STAU1: variants seen among roughly 807,000 people sequenced by gnomAD.
STAU1 encodes the protein staufen double-stranded RNA binding protein 1.
A neutral mutation model predicts 62.9 loss-of-function variants in STAU1; 13 were observed. That is an observed-to-expected ratio of 0.21 (90% CI 0.13 to 0.33). The LOEUF (loss-of-function observed/expected upper bound fraction) is 0.33, where lower values mean the gene tolerates loss of function less well. Ranked by LOEUF, STAU1 falls within the 10% of genes least tolerant of loss-of-function variation. STAU1 has a pLI of 1.00. For missense variants in STAU1, 571 were observed against 712.1 expected, an observed-to-expected ratio of 0.80 and a Z score of 2.25; for synonymous variants, 269 against 265.1, an observed-to-expected ratio of 1.01 and a Z score of -0.14.
At chr20:49,118,959 C>G (rs1287641468) in intron 9 of STAU1, among the ~76,000 whole-genome samples, 1 of 152,170 alleles carries the variant, frequency 6.6e-6, no homozygotes, top group East Asian at 1.9e-4. Context: ...ATGAAAAACC[C>G]TAAAGCCAAG....
the STAU1 span, among the ~76,000 whole-genome samples, chr20:49,199,132 A>C: frequency 2.0e-5 from 3 of 151,666 alleles, no homozygotes; most frequent in African/African-American, 7.3e-5. Context: ...GGCAACAGAG[A>C]GAGACTCCAT....
the STAU1 span, among the ~76,000 whole-genome samples, chr20:49,210,900 G>T: frequency 6.6e-6 from 1 of 152,038 alleles, no homozygotes; most frequent in African/African-American, 2.4e-5. Flanking sequence ...TCTCTATGTA[G>T]TTCCAAAACA....
Position 49,117,011 on chromosome 20 carries a change from C to T in STAU1, c.1632+115G>A. On this transcript the variant is annotated intron_variant, in intron 12 of 13. Coordinates refer to ENST00000371856, the MANE Select transcript of STAU1 (RefSeq NM_017453.4). This position sits in a 1 kb window ranked among gnomAD's most constrained non-coding sequence, Gnocchi z 4.6. The stretch of plus-strand genomic sequence containing the variant: ...ACACTATCAAACGATTCATTGCTCT[C>T]AAGGTCTATGGGACAATCTTTCTCC... 1 of 1,351,300 alleles carries T rather than the reference C, an allele frequency of 7.4e-7. No individual in the cohort carries two copies. The highest frequency in any genetic ancestry group is 1.4e-5 in the South Asian group (1 of 71,816). 83.7% of individuals were successfully genotyped at this position (1,351,300 alleles called of 1,614,324 possible). A position where few individuals can be genotyped will look rare whatever the true frequency, so the allele number is the denominator to read the frequency against.
intron 2 of STAU1, among the ~76,000 whole-genome samples, chr20:49,172,389 C>CTTTGTT: frequency 6.6e-6 from 1 of 152,294 alleles, no homozygotes; most frequent in South Asian, 2.1e-4. Flanking sequence ...CAAGCACATA[C>CTTTGTT]ATTTGTAAAC....
chr20:49,180,332 T>C (rs73132158), intron 1 of STAU1, among the ~76,000 whole-genome samples: 3,936 of 146,678 alleles, frequency 0.027, 124 homozygotes, highest in African/African-American at 0.075. Flanking sequence ...TTTTTTTTTT[T>C]CCCCCCCTGG....
At chr20:49,186,852 A>G (rs190934753) in intron 1 of STAU1, among the ~76,000 whole-genome samples, 1 of 152,058 alleles carries the variant, frequency 6.6e-6, no homozygotes, top group Non-Finnish European at 1.5e-5. Flanking sequence ...AGCTACAAGC[A>G]GAAGAGAAGT....
chr20:49,149,405 G>T (rs2093201507), intron 5 of STAU1, among the ~76,000 whole-genome samples: 1 of 151,984 alleles, frequency 6.6e-6, no homozygotes, highest in Admixed American at 6.6e-5. Flanking sequence ...TACACCTATT[G>T]CATTAGAATC....
intron 2 of STAU1, among the ~76,000 whole-genome samples, chr20:49,167,689 T>C (rs2180900): frequency 6.6e-6 from 1 of 152,198 alleles, no homozygotes; most frequent in Non-Finnish European, 1.5e-5. Context: ...TATGACCTTA[T>C]TTCATTGGGT....
intron 3 of STAU1, 23 bp downstream of exon 3, chr20:49,165,974 G>A (rs1347265588): frequency 1.2e-6 from 2 of 1,609,570 alleles, no homozygotes; most frequent in Non-Finnish European, 1.7e-6. Context: ...TGAAATAGAA[G>A]ACACTTGGAT....
At chr20:49,208,914 G>A in the STAU1 span, among the ~76,000 whole-genome samples, 13 of 151,286 alleles carry the variant, frequency 8.6e-5, no homozygotes, top group East Asian at 3.9e-4. Context: ...GAGCCACTGC[G>A]CCCGGCCGAT....
In STAU1 at chr20:49,118,013, C is replaced by A. The variant is rs1158563424; in HGVS notation, c.1273G>T (p.Ala425Ser). 6.2e-7 allele frequency: 1 copy of A among 1,614,130 alleles called. No homozygotes were observed. The highest frequency in any genetic ancestry group is 1.7e-5 in the Admixed American group (1 of 60,024). The change falls in exon 11 of 14, where the codon GCC becomes TCC. Residue 425 changes from alanine (A) to serine (S), a missense_variant. This residue lies in a region of STAU1 where 156 missense variants were observed against 194.7 expected (regional missense o/e 0.80). Coordinates refer to ENST00000371856, the MANE Select transcript of STAU1 (RefSeq NM_017453.4). ...AGILPMVPEV[A>S]QAVGVSQGHH... ...CCTTGACTAACTCCTACAGCCTGGG[C>A]GACCTCGGGCACCATGGGAAGAATT... is the stretch of plus-strand genomic sequence containing the variant.
chr20:49,199,293 C>T, the STAU1 span, among the ~76,000 whole-genome samples: 5 of 151,424 alleles, frequency 3.3e-5, no homozygotes, highest in Admixed American at 6.6e-5. Flanking sequence ...TGCAGTGGCG[C>T]GATCTCGGCT....
At chr20:49,196,447 A>G in the STAU1 span, among the ~76,000 whole-genome samples, 1 of 147,752 alleles carries the variant, frequency 6.8e-6, no homozygotes, top group African/African-American at 2.5e-5. Context: ...AACAAAACAA[A>G]AAAAAAAAAA....
rs569283521 is a variant in STAU1 at position 49,131,612 on chromosome 20, G to A, written c.609+4221C>T. ...AATCCCAGCACTTTGGGAGGCCAAG[G>A]CAGGCAGATCGCTTGAGGTCAGGAG... On this transcript the variant is annotated intron_variant, in intron 6 of 13. Transcript: ENST00000371856. Among the ~76,000 whole-genome samples the A allele has an allele frequency of 1.7e-3, 253 of 152,246 alleles. 1 individual carries two copies. Among genetic ancestry groups the A allele is most frequent in the African/African-American group, 5.3e-3 (221 of 41,542 alleles).
At chr20:49,151,152 G>C (rs1849433393) in intron 5 of STAU1, among the ~76,000 whole-genome samples, 1 of 152,120 alleles carries the variant, frequency 6.6e-6, no homozygotes, top group African/African-American at 2.4e-5. Flanking sequence ...GAGGCAAAAG[G>C]TAACTGGCGC....
chr20:49,120,467 G>A (rs965628060), intron 8 of STAU1, among the ~76,000 whole-genome samples: 4 of 152,210 alleles, frequency 2.6e-5, no homozygotes. Flanking sequence ...GTGAACTACT[G>A]TACATCTATT....
upstream of STAU1, among the ~76,000 whole-genome samples, chr20:49,189,959 A>C (rs1394843576): frequency 1.3e-5 from 2 of 152,162 alleles, no homozygotes; most frequent in African/African-American, 2.4e-5. Context: ...CTTCTTGTGA[A>C]GTGCAATGAC....
Position 49,114,806 on chromosome 20 carries a change from A to C in STAU1, c.*72T>G, listed in dbSNP as rs1295142690. On this transcript the variant is annotated 3_prime_UTR_variant, in exon 14 of 14. Transcript: ENST00000371856. ...CCCACTGGAGGTATCAGAAATTCCA[A>C]ATTTTCAAAGCAGTTTCAGTATTTT... 2 of 1,526,870 alleles carry C rather than the reference A, an allele frequency of 1.3e-6. No individual in the cohort carries two copies. The highest frequency in any genetic ancestry group is 2.7e-5 in the African/African-American group (2 of 72,862). 94.6% of individuals were successfully genotyped at this position (1,526,870 alleles called of 1,614,324 possible).
intron 6 of STAU1, among the ~76,000 whole-genome samples, chr20:49,127,494 T>TC: frequency 6.8e-6 from 1 of 146,130 alleles, no homozygotes; most frequent in African/African-American, 2.5e-5. Flanking sequence ...TCACCTGAGG[T>TC]CAGGAGTTTG....
Sources: gnomAD v4.1 joint callset for allele counts (sites outside exome capture counted in the v4.1 genomes callset) on GRCh38, gnomAD v4.1.1 for gene constraint, gnomAD v4.1.1 regional missense constraint, Gnocchi (gnomAD v3.1) non-coding constraint, MANE v1.5 for transcripts, NCBI Gene and HGNC (gene_info 2026-07-23, HGNC 2026-07-21) for gene names.